The following RYK variants were observed in gnomAD, a reference collection of about 807,000 sequenced individuals.
The protein encoded by RYK is inactive tyrosine-protein kinase RYK.
RYK carries 21 observed loss-of-function variants against 70.2 expected under a neutral mutation model. The observed-to-expected ratio is 0.30, with a 90% CI of 0.21 to 0.43. RYK has a LOEUF of 0.43. Among genes scored for constraint, RYK ranks in the 20% least tolerant of loss-of-function variants. The pLI, the probability that RYK is intolerant of heterozygous loss-of-function variation, is 1.00. For synonymous variants in RYK, 267 were observed against 278.0 expected, an observed-to-expected ratio of 0.96 and a Z score of 0.39; for missense variants, 604 against 753.3, an observed-to-expected ratio of 0.80 and a Z score of 2.32.
rs1347981637 is a variant in RYK at position 134,202,844 on chromosome 3, G to C, written c.674C>G (p.Ser225Cys). 1.9e-6 allele frequency: 3 copies of C among 1,613,714 alleles called. No individual in the cohort carries two copies. Among genetic ancestry groups the C allele is most frequent in the Non-Finnish European group, 1.7e-6 (2 of 1,179,782 alleles). Residue 225 changes from serine (S) to cysteine (C), a missense_variant, in exon 6 of 15, where the codon TCT becomes TGT. By Grantham distance (112) the Ser-to-Cys change is moderately radical (BLOSUM62 -1). Around this residue, in one of 2 missense-constraint regions of RYK, gnomAD observed 466 missense variants for 535.9 expected, o/e 0.87. Transcript: ENST00000623711. ...YDPVHAAPTT[S>C]TRVFYISVGV... ...TACACTAATATAAAACACACGCGTA[G>C]AAGTGGTTGGAGCTGCATGTACAGG...
At chr3:134,187,112 G>T (rs1167648959) in intron 9 of RYK, among the ~76,000 whole-genome samples, 1 of 152,124 alleles carries the variant, frequency 6.6e-6, no homozygotes, top group Non-Finnish European at 1.5e-5. Context: ...AATAAATATT[G>T]AATGATATAG....
intron 13 of RYK, among the ~76,000 whole-genome samples, chr3:134,163,774 C>T (rs1405960776): frequency 6.6e-6 from 1 of 152,168 alleles, no homozygotes; most frequent in Non-Finnish European, 1.5e-5. Flanking sequence ...GTGGAAGCAT[C>T]ATCAGGTGGT....
Position 134,205,724 on chromosome 3 carries a change from G to T in RYK, c.643+1748C>A, listed in dbSNP as rs1052814738. On this transcript the variant is annotated intron_variant, in intron 5 of 14. Transcript: ENST00000623711. ...TCAGAAGAGCTGTCACTGTTCTCAG[G>T]AAGCTATCCTTGGGTTCCCAAATCC... Among the ~76,000 whole-genome samples the T allele has an allele frequency of 3.9e-5, 6 of 152,286 alleles. No individual in the cohort carries two copies. The South Asian group carries it at 1.2e-3, about 32-fold the overall frequency.
chr3:134,194,855 G>A (rs993982405), intron 7 of RYK, among the ~76,000 whole-genome samples: 1 of 152,126 alleles, frequency 6.6e-6, no homozygotes, highest in South Asian at 2.1e-4. Context: ...GAAATCTCCC[G>A]AAAGCCACAC....
Position 134,233,837 on chromosome 3 carries a change from T to C in RYK, c.233-11298A>G, listed in dbSNP as rs115305572. Among the ~76,000 whole-genome samples, 475 of 152,300 alleles carry C rather than the reference T, an allele frequency of 3.1e-3. 1 individual carries two copies. The highest frequency in any genetic ancestry group is 0.011 in the African/African-American group (442 of 41,576). ...GTAGTAAAATGAGTTTTGCTTAGAA[T>C]ATAACAGTAAATGCAAATTACAACA... is the stretch of plus-strand genomic sequence containing the variant. On this transcript the variant is annotated intron_variant, in intron 1 of 14. Transcript: ENST00000623711.
At chr3:134,235,649 A>G (rs1180292821) in intron 1 of RYK, among the ~76,000 whole-genome samples, 2 of 152,154 alleles carry the variant, frequency 1.3e-5, no homozygotes, top group Non-Finnish European at 2.9e-5. Flanking sequence ...AGTTGTTTCT[A>G]ATTACTATTA....
At chr3:134,195,260 C>G (rs1418881115) in intron 6 of RYK, 78 bp from the exon 7 acceptor site, 1 of 977,928 alleles carries the variant, frequency 1.0e-6, no homozygotes, top group East Asian at 2.5e-5. Context: ...ATACAAAATG[C>G]ACATAGCCAT....
chr3:134,173,522 C>A (rs1209305625), intron 13 of RYK, among the ~76,000 whole-genome samples: 1 of 152,176 alleles, frequency 6.6e-6, no homozygotes, highest in Admixed American at 6.5e-5. Context: ...AAAGAAGAAG[C>A]AGGCACCTTC....
chr3:134,223,889 T>C (rs1010614981), intron 1 of RYK, among the ~76,000 whole-genome samples: 1 of 152,208 alleles, frequency 6.6e-6, no homozygotes, highest in Non-Finnish European at 1.5e-5. Flanking sequence ...TCATACCTCC[T>C]AAGAATATAG....
At chr3:134,165,784 C>A (rs2012645517) in intron 13 of RYK, among the ~76,000 whole-genome samples, 1 of 152,230 alleles carries the variant, frequency 6.6e-6, no homozygotes. Flanking sequence ...TTACTCCTTT[C>A]TTCTTTCCTA....
At chr3:134,225,953 T>C (rs772352470) in intron 1 of RYK, among the ~76,000 whole-genome samples, 3 of 150,774 alleles carry the variant, frequency 2.0e-5, no homozygotes, top group African/African-American at 4.9e-5. Context: ...CATGAAAAAG[T>C]GAGGGGGGAT....
chr3:134,217,282 GA>G (rs1268844867), intron 2 of RYK, among the ~76,000 whole-genome samples: 10 of 152,344 alleles, frequency 6.6e-5, no homozygotes, highest in Non-Finnish European at 1.5e-4. Context: ...ATTAGAGCTT[GA>G]GAGCCACGGC....
At chr3:134,202,107 T>C (rs1473554393) in intron 6 of RYK, among the ~76,000 whole-genome samples, 1 of 145,268 alleles carries the variant, frequency 6.9e-6, no homozygotes, top group Admixed American at 6.7e-5. Context: ...AAGTATATCA[T>C]TCTTTCTTTC....
chr3:134,191,379 G>A (rs1307288620), intron 8 of RYK, among the ~76,000 whole-genome samples: 1 of 152,272 alleles, frequency 6.6e-6, no homozygotes, highest in East Asian at 1.9e-4. Flanking sequence ...ATTTATAGAG[G>A]AGGGAACTGG....
At chr3:134,184,220 A>C (rs887040832) in intron 9 of RYK, among the ~76,000 whole-genome samples, 1 of 152,224 alleles carries the variant, frequency 6.6e-6, no homozygotes, top group Non-Finnish European at 1.5e-5. Context: ...TTTTAGTTTT[A>C]GTTTCTAAAC....
intron 6 of RYK, among the ~76,000 whole-genome samples, chr3:134,195,815 G>A (rs1051408893): frequency 7.2e-5 from 11 of 152,046 alleles, no homozygotes; most frequent in African/African-American, 9.7e-5. Flanking sequence ...GCATGGTGAC[G>A]CGTGCCTGTA....
At chr3:134,214,851 G>A (rs754461156) in intron 2 of RYK, among the ~76,000 whole-genome samples, 3 of 152,204 alleles carry the variant, frequency 2.0e-5, no homozygotes, top group African/African-American at 4.8e-5. Flanking sequence ...AGATCTATTA[G>A]AGCATCTATT....
chr3:134,180,474 GGT>G (rs1212555524), intron 10 of RYK: 9 of 152,100 alleles, frequency 5.9e-5, no homozygotes, highest in African/African-American at 2.2e-4. Flanking sequence ...TCTAAAAACA[GGT>G]GTCTTTTCTT....
intron 13 of RYK, among the ~76,000 whole-genome samples, chr3:134,174,817 G>A (rs951674885): frequency 5.9e-5 from 9 of 151,920 alleles, no homozygotes; most frequent in Admixed American, 6.6e-5. Context: ...AAACCACCCA[G>A]AAACTTGACA....
Sources: gnomAD v4.1 joint callset for allele counts (sites outside exome capture counted in the v4.1 genomes callset) on GRCh38, gnomAD v4.1.1 for gene constraint, gnomAD v4.1.1 regional missense constraint, MANE v1.5 for transcripts, NCBI Gene and HGNC (gene_info 2026-07-23, HGNC 2026-07-21) for gene names.